Variants in PDE12 observed in about 807,000 individuals in gnomAD.
PDE12 encodes 2',5'-phosphodiesterase 12.
PDE12 carries 26 observed loss-of-function variants against 45.4 expected under a neutral mutation model. That is an observed-to-expected ratio of 0.57 (90% CI 0.42 to 0.79). The LOEUF (loss-of-function observed/expected upper bound fraction) is 0.79. PDE12 is among the 30% of genes least tolerant of loss of function. PDE12 has a pLI of 0.00. For missense variants in PDE12, 668 were observed against 790.0 expected (o/e 0.85, Z 1.85); for synonymous variants, 283 against 323.9 (o/e 0.87, Z 1.36).
At chr3:57,641,826 T>C in the PDE12 span, 1 of 1,212,426 alleles carries the variant, frequency 8.2e-7, no homozygotes, top group Non-Finnish European at 1.2e-6. Context: ...AGTTTACTTT[T>C]TTTTTCAATG....
At chr3:57,576,781 G>A in the PDE12 span, among the ~76,000 whole-genome samples, 2 of 152,048 alleles carry the variant, frequency 1.3e-5, no homozygotes, top group Non-Finnish European at 2.9e-5. Context: ...TGGGAAGGCT[G>A]CAAAATGCCA....
At chr3:57,572,390 C>G in the PDE12 span, 1 of 948,490 alleles carries the variant, frequency 1.1e-6, no homozygotes, top group Non-Finnish European at 1.6e-6. Context: ...AGAGTCTTTT[C>G]ACACCTCTTG....
Position 57,561,035 on chromosome 3 carries a change from T to G in PDE12, c.*1031T>G, listed in dbSNP as rs375531685. 17 of 976,268 alleles carry G rather than the reference T, an allele frequency of 1.7e-5. No individual in the cohort carries two copies. In the East Asian group the frequency reaches 8.0e-4, roughly 46 times the overall value. 60.5% of individuals were successfully genotyped at this position (976,268 alleles called of 1,614,324 possible). A position where few individuals can be genotyped will look rare whatever the true frequency, so the allele number is the denominator to read the frequency against. On this transcript the variant is annotated 3_prime_UTR_variant, in exon 3 of 3. Transcript: ENST00000311180. The stretch of plus-strand genomic sequence containing the variant: ...AGTGTATGGTACAAATGAACACAGT[T>G]TATATTCTAATTCTTACTGCAGCTC...
At chr3:57,576,273 A>C in the PDE12 span, among the ~76,000 whole-genome samples, 2 of 152,176 alleles carry the variant, frequency 1.3e-5, no homozygotes, top group Admixed American at 1.3e-4. Flanking sequence ...GAATGTCCAG[A>C]ATAGGTGACT....
At chr3:57,628,614 G>A in the PDE12 span, among the ~76,000 whole-genome samples, 5 of 152,124 alleles carry the variant, frequency 3.3e-5, no homozygotes, top group African/African-American at 1.2e-4. Flanking sequence ...TATACATAAC[G>A]TTAGAATAAT....
the PDE12 span, among the ~76,000 whole-genome samples, chr3:57,654,245 G>A: frequency 7.9e-5 from 12 of 151,852 alleles, no homozygotes; most frequent in Admixed American, 2.6e-4. Context: ...GTGAGCCACC[G>A]TGCCCAGCCA....
the PDE12 span, among the ~76,000 whole-genome samples, chr3:57,633,549 T>TA: frequency 6.6e-6 from 1 of 152,176 alleles, no homozygotes; most frequent in Non-Finnish European, 1.5e-5. Context: ...GAGCAAAACA[T>TA]AAGAGTTCTT....
chr3:57,610,665 A>G, the PDE12 span, among the ~76,000 whole-genome samples: 1 of 152,160 alleles, frequency 6.6e-6, no homozygotes, highest in African/African-American at 2.4e-5. Flanking sequence ...ATACCTAGGA[A>G]TCCAACTTAC....
the PDE12 span, chr3:57,626,978 T>C: frequency 2.0e-5 from 3 of 152,136 alleles, no homozygotes; most frequent in Non-Finnish European, 4.4e-5. Context: ...ATCAATCTTA[T>C]CATCACTCAA....
rs1225836374 is a variant in PDE12, at chr3:57,556,447, G to A, written c.68G>A (p.Arg23Gln). The stretch of plus-strand genomic sequence containing the variant: ...CGGACGGCGGTGGAGAAGCTGAGCC[G>A]GGCTGAAGCGGGGAGCCAGACAGCG... ...VIRTAVEKLSRAEAGSQTAAG... is the reference protein window; with the variant it reads ...VIRTAVEKLSQAEAGSQTAAG... The change falls in exon 1 of 3, where the codon CGG becomes CAG. Residue 23 changes from arginine to glutamine, a missense_variant. Around this residue, in one of 3 missense-constraint regions of PDE12, gnomAD observed 580 missense variants for 662.9 expected, o/e 0.87. Coordinates refer to ENST00000311180, the MANE Select transcript of PDE12 (RefSeq NM_177966.7). The surrounding 1 kb of genome is among the most constrained non-coding windows in gnomAD (Gnocchi z 5.0). 6.2e-7 allele frequency: 1 copy of A among 1,612,792 alleles called. No homozygotes were observed. Among genetic ancestry groups the A allele is most frequent in the Admixed American group, 1.7e-5 (1 of 59,990 alleles).
the PDE12 span, chr3:57,654,938 A>G: frequency 6.8e-6 from 2 of 293,366 alleles, no homozygotes; most frequent in Non-Finnish European, 1.0e-5. Flanking sequence ...CAAATAAAGC[A>G]TTAATCTAAT....
At chr3:57,589,964 G>A in the PDE12 span, among the ~76,000 whole-genome samples, 2 of 149,614 alleles carry the variant, frequency 1.3e-5, no homozygotes, top group Admixed American at 1.3e-4. Flanking sequence ...GGTGGCGGGC[G>A]CCTGTAATCC....
the PDE12 span, among the ~76,000 whole-genome samples, chr3:57,585,036 G>A: frequency 8.5e-5 from 13 of 152,098 alleles, no homozygotes; most frequent in African/African-American, 2.9e-4. Flanking sequence ...GCTAATTTTT[G>A]TATTTTTAGT....
chr3:57,579,687 C>A, the PDE12 span, among the ~76,000 whole-genome samples: 2 of 152,132 alleles, frequency 1.3e-5, no homozygotes, highest in Non-Finnish European at 2.9e-5. Flanking sequence ...ATGACAATTT[C>A]CTTTGTTTTA....
At chr3:57,633,131 G>C in the PDE12 span, 1 of 733,238 alleles carries the variant, frequency 1.4e-6, no homozygotes, top group Non-Finnish European at 2.2e-6. Context: ...TTGCAAAGGG[G>C]TTTATTTTTA....
the PDE12 span, chr3:57,598,199 C>T: frequency 6.6e-6 from 1 of 152,066 alleles, no homozygotes; most frequent in East Asian, 1.9e-4. Context: ...GCCCGGCCTG[C>T]TACACCTTTT....
the PDE12 span, among the ~76,000 whole-genome samples, chr3:57,609,930 A>G: frequency 3.9e-5 from 6 of 152,094 alleles, no homozygotes; most frequent in Non-Finnish European, 7.3e-5. Context: ...AGACACAACA[A>G]AAAAAGAGAA....
chr3:57,611,570 A>G, the PDE12 span, among the ~76,000 whole-genome samples: 18 of 152,108 alleles, frequency 1.2e-4, no homozygotes, highest in African/African-American at 4.3e-4. Context: ...AAAAAGTGGG[A>G]GAAGGATATG....
downstream of PDE12, among the ~76,000 whole-genome samples, chr3:57,567,081 G>A (rs1206405362): frequency 6.6e-6 from 1 of 152,104 alleles, no homozygotes; most frequent in Non-Finnish European, 1.5e-5. Context: ...AGGCCAAGGC[G>A]GTTGGATCAC....
Sources: allele counts gnomAD v4.1 joint callset (sites outside exome capture counted in the v4.1 genomes callset), GRCh38; gene constraint gnomAD v4.1.1; regional missense constraint gnomAD v4.1.1; non-coding constraint Gnocchi (gnomAD v3.1); transcripts MANE v1.5; gene names NCBI Gene and HGNC (gene_info 2026-07-23, HGNC 2026-07-21).